MYH3: variants seen among roughly 807,000 people sequenced by gnomAD.
The protein encoded by MYH3 is myosin heavy chain 3, also known as myosin-3.
A neutral mutation model predicts 238.0 loss-of-function variants in MYH3; 130 were observed. The observed-to-expected ratio is 0.55, with a 90% CI of 0.47 to 0.63. The LOEUF is 0.63. MYH3 is among the 30% of genes least tolerant of loss of function. The pLI is 0.00. For missense variants in MYH3, 1,853 were observed against 2,374.9 expected (o/e 0.78, Z 4.57); for synonymous variants, 880 against 924.1 (o/e 0.95, Z 0.86).
In MYH3 at chr17:10,631,713, C is replaced by T. The variant is rs138116592; in HGVS notation, c.5184G>A (p.Lys1728=). 52 of 1,614,198 alleles carry T rather than the reference C, an allele frequency of 3.2e-5. No homozygotes were observed. The African/African-American group carries it at 5.7e-4, about 18-fold the overall frequency. The change falls in exon 36 of 41, where the codon AAG becomes AAA. Residue 1728 remains lysine (K), a synonymous_variant. Coordinates refer to ENST00000583535, the MANE Select transcript of MYH3 (RefSeq NM_002470.4). ...GCATGAGGTCTGTCTCCAGCTTCTT[C>T]TTGGTGTGGATGAGGCTGGTGTTCT... The part of the protein sequence containing the change: ...HTQNTSLIHT[K]KKLETDLMQL...
At chr17:10,673,383 T>G in the MYH3 span, 1 of 152,218 alleles carries the variant, frequency 6.6e-6, no homozygotes, top group East Asian at 1.9e-4. Context: ...GACTGTCTTG[T>G]GCTGTGATCC....
In MYH3 at chr17:10,652,435, T is replaced by A; in HGVS notation, c.333A>T (p.Thr111=). 6.2e-7 allele frequency: 1 copy of A among 1,613,920 alleles called. No individual in the cohort carries two copies. The highest frequency in any genetic ancestry group is 1.1e-5 in the South Asian group (1 of 91,076). The part of the protein sequence containing the change: ...AVLYNLKDRY[T]SWMIYTYSGL... ...CCTCGCTGACATAGATCATCCAAGATGTGTAACGGTCCTTCAGGTTGTACA... is the reference window on the plus strand; with the variant it reads ...CCTCGCTGACATAGATCATCCAAGAAGTGTAACGGTCCTTCAGGTTGTACA... Residue 111 remains threonine (T), a synonymous_variant, in exon 4 of 41, where the codon ACA becomes ACT. Coordinates refer to ENST00000583535, the MANE Select transcript of MYH3 (RefSeq NM_002470.4).
intron 6 of MYH3, 122 bp from the exon 7 acceptor site, chr17:10,649,807 T>A: frequency 2.3e-6 from 2 of 882,766 alleles, no homozygotes; most frequent in Non-Finnish European, 3.7e-6. Context: ...CTCACCACAC[T>A]AATGTGACAG....
At position 10,639,070 on chromosome 17, in the gene MYH3, C is replaced by T. The variant is rs772805094; in HGVS notation, c.3222G>A (p.Lys1074=). 8 of 1,614,228 alleles carry T rather than the reference C, an allele frequency of 5.0e-6. No individual in the cohort carries two copies. Among genetic ancestry groups the T allele is most frequent in the Admixed American group, 3.3e-5 (2 of 60,026 alleles). ...TCTTGAGCCTTTCGTCCAGCTGTTG[C>T]TTGTCATTCTCCAGATCTAATATGG... ...QESILDLEND[K]QQLDERLKKK... The change falls in exon 25 of 41, where the codon AAG becomes AAA. Residue 1074 remains lysine, a synonymous_variant. Transcript: ENST00000583535.
intron 2 of MYH3, among the ~76,000 whole-genome samples, chr17:10,655,879 T>C (rs2074424468): frequency 6.6e-6 from 1 of 152,174 alleles, no homozygotes; most frequent in East Asian, 1.9e-4. Flanking sequence ...CTTGAACTCC[T>C]GACCTCATGA....
At position 10,638,451 on chromosome 17, in the gene MYH3, C is replaced by T. The variant is rs1404616277; in HGVS notation, c.3340-19G>A. ...TTCGAGCCTGTGGAGGGCAGCCGTT[C>T]ACCCCGTGGGCAGTGGGTTCACCGC... On this transcript the variant is annotated intron_variant, in intron 26 of 40. Coordinates refer to ENST00000583535, the MANE Select transcript of MYH3 (RefSeq NM_002470.4). 6.3e-7 allele frequency: 1 copy of T among 1,599,616 alleles called. No individual in the cohort carries two copies. Among genetic ancestry groups the T allele is most frequent in the Admixed American group, 1.7e-5 (1 of 59,996 alleles).
At chr17:10,677,105 G>C in the MYH3 span, 2 of 152,190 alleles carry the variant, frequency 1.3e-5, no homozygotes, top group Non-Finnish European at 2.9e-5. Context: ...TTGAGAGTTC[G>C]AGACCAGCCT....
At chr17:10,673,260 T>G in the MYH3 span, 2 of 152,246 alleles carry the variant, frequency 1.3e-5, no homozygotes, top group Non-Finnish European at 2.9e-5. Flanking sequence ...TTCTTTATCT[T>G]GTCTGGTTAT....
intron 34 of MYH3, 30 bp from the exon 35 acceptor site, chr17:10,632,046 G>A (rs1411728687): frequency 6.2e-7 from 1 of 1,608,828 alleles, no homozygotes; most frequent in African/African-American, 1.3e-5. Context: ...CATTCTATTT[G>A]AAGTTGAGGC....
chr17:10,673,805 T>C, the MYH3 span: 11 of 152,282 alleles, frequency 7.2e-5, no homozygotes, highest in African/African-American at 2.4e-4. Flanking sequence ...AACAACTCGA[T>C]GGAGAAACGC....
At position 10,644,514 on chromosome 17, in the gene MYH3, G is replaced by C. The variant is rs1214569259; in HGVS notation, c.1261-14C>G. 3.1e-6 allele frequency: 5 copies of C among 1,614,156 alleles called. No homozygotes were observed. Among genetic ancestry groups the C allele is most frequent in the Non-Finnish European group, 4.2e-6 (5 of 1,179,966 alleles). On this transcript the variant is annotated splice_polypyrimidine_tract_variant and intron_variant, in intron 13 of 40. Coordinates refer to ENST00000583535, the MANE Select transcript of MYH3 (RefSeq NM_002470.4). The stretch of plus-strand genomic sequence containing the variant: ...AGCATGGTGAACCTATCAGGGGAAA[G>C]ATCAGCTACTGGATATGAAGGAAGT...
chr17:10,665,839 C>A, the MYH3 span, among the ~76,000 whole-genome samples: 1 of 152,166 alleles, frequency 6.6e-6, no homozygotes, highest in Non-Finnish European at 1.5e-5. Flanking sequence ...GGAGGACATT[C>A]TGCCAGATAC....
chr17:10,632,445 AG>A, intron 34 of MYH3, 30 bp downstream of exon 34: 1 of 1,606,012 alleles, frequency 6.2e-7, no homozygotes, highest in Non-Finnish European at 8.5e-7. Context: ...TGAGGAGGAG[AG>A]AGGTTTTTCC....
At chr17:10,651,994 C>T in intron 4 of MYH3, 1 of 392,684 alleles carries the variant, frequency 2.5e-6, no homozygotes, top group East Asian at 6.1e-5. Context: ...ACCCGCCTTA[C>T]CCTCCCAAAG....
At chr17:10,635,874 T>C (rs953122717) in intron 28 of MYH3, 21 bp from the exon 29 acceptor site, 1 of 1,585,920 alleles carries the variant, frequency 6.3e-7, no homozygotes, top group Non-Finnish European at 8.7e-7. Flanking sequence ...AAGGAAATAG[T>C]TTCATTTCAT....
At chr17:10,657,101 G>A (rs73974807) in intron 1 of MYH3, among the ~76,000 whole-genome samples, 188 bp downstream of exon 1, 2,948 of 152,192 alleles carry the variant, frequency 0.019, 85 homozygotes, top group African/African-American at 0.067. Context: ...GCCAGAGGGT[G>A]CTGGGTGTTT....
the MYH3 span, among the ~76,000 whole-genome samples, chr17:10,670,539 G>A: frequency 1.3e-5 from 2 of 152,210 alleles, no homozygotes; most frequent in South Asian, 2.1e-4. This position sits in a 1 kb window ranked among gnomAD's most constrained non-coding sequence, Gnocchi z 7.0. Context: ...GAACTCTGGG[G>A]CTCAAGCAGT....
At chr17:10,666,610 G>A in the MYH3 span, among the ~76,000 whole-genome samples, 1 of 146,496 alleles carries the variant, frequency 6.8e-6, no homozygotes, top group African/African-American at 2.5e-5. Context: ...TAAAAAACTA[G>A]CCAGGCATGG....
the MYH3 span, chr17:10,673,666 A>T: frequency 1.3e-5 from 2 of 152,218 alleles, no homozygotes; most frequent in African/African-American, 4.8e-5. Flanking sequence ...GCCAACAGAG[A>T]TCAAATGATC....
Sources: allele counts gnomAD v4.1 joint callset (sites outside exome capture counted in the v4.1 genomes callset), GRCh38; gene constraint gnomAD v4.1.1; non-coding constraint Gnocchi (gnomAD v3.1); transcripts MANE v1.5; gene names NCBI Gene and HGNC (gene_info 2026-07-23, HGNC 2026-07-21).